Variants in MAML2 observed in about 807,000 individuals in gnomAD.
MAML2 encodes the protein mastermind like transcriptional coactivator 2, also known as mastermind-like protein 2.
In MAML2, 22 loss-of-function variants were observed where a neutral mutation model predicts 96.1. That is an observed-to-expected ratio of 0.23 (90% CI 0.16 to 0.33). The LOEUF is 0.33. Ranked by LOEUF, MAML2 falls within the 10% of genes least tolerant of loss-of-function variation. MAML2 has a pLI of 1.00. For synonymous variants in MAML2, 561 were observed against 521.3 expected, an observed-to-expected ratio of 1.08 and a Z score of -1.04; for missense variants, 1,367 against 1,392.4, an observed-to-expected ratio of 0.98 and a Z score of 0.29.
intron 2 of MAML2, among the ~76,000 whole-genome samples, chr11:96,015,603 T>C (rs1339576885): frequency 1.5e-5 from 2 of 131,910 alleles, no homozygotes; most frequent in African/African-American, 2.8e-5. Flanking sequence ...GGGCAATTCA[T>C]GAAGACATAT....
intron 2 of MAML2, among the ~76,000 whole-genome samples, chr11:95,999,722 T>A (rs1858051791): frequency 6.6e-6 from 1 of 152,164 alleles, no homozygotes; most frequent in East Asian, 1.9e-4. Context: ...TTACTTGAGA[T>A]CCATGAGAGT....
At chr11:96,008,056 C>T (rs1468041620) in intron 2 of MAML2, among the ~76,000 whole-genome samples, 4 of 151,584 alleles carry the variant, frequency 2.6e-5, no homozygotes, top group South Asian at 2.1e-4. Context: ...AGTGAAATGA[C>T]GAATATCAAT....
At chr11:96,283,489 T>A (rs1364934794) in intron 1 of MAML2, among the ~76,000 whole-genome samples, 2 of 152,228 alleles carry the variant, frequency 1.3e-5, no homozygotes, top group East Asian at 3.8e-4. Flanking sequence ...AATCTTTTTC[T>A]CCAAAAGTGA....
At chr11:96,252,569 G>A (rs1862598898) in intron 1 of MAML2, among the ~76,000 whole-genome samples, 1 of 151,994 alleles carries the variant, frequency 6.6e-6, no homozygotes, top group Non-Finnish European at 1.5e-5. Flanking sequence ...GGGACTACAG[G>A]CGCGTGTCAC....
chr11:96,195,985 T>C (rs1197987189), intron 1 of MAML2, among the ~76,000 whole-genome samples: 5 of 152,236 alleles, frequency 3.3e-5, no homozygotes, highest in Admixed American at 6.5e-5. Flanking sequence ...ACTGTTATTG[T>C]ATATGTCAAG....
At chr11:95,988,237 A>T (rs534586653) in intron 3 of MAML2, among the ~76,000 whole-genome samples, 1 of 151,702 alleles carries the variant, frequency 6.6e-6, no homozygotes, top group South Asian at 2.1e-4. Context: ...ATTTATTTTT[A>T]TATATCTTCA....
chr11:96,200,341 T>C (rs1237434992), intron 1 of MAML2, among the ~76,000 whole-genome samples: 2 of 152,218 alleles, frequency 1.3e-5, no homozygotes, highest in African/African-American at 4.8e-5. Context: ...CATCTGTAGC[T>C]TGGATTTGCT....
chr11:96,282,444 G>A (rs1863085292), intron 1 of MAML2, among the ~76,000 whole-genome samples: 1 of 152,118 alleles, frequency 6.6e-6, no homozygotes. Flanking sequence ...TAGCTACTGA[G>A]TAGAACAAAG....
At chr11:96,194,724 C>G (rs1861704012) in intron 1 of MAML2, among the ~76,000 whole-genome samples, 1 of 152,162 alleles carries the variant, frequency 6.6e-6, no homozygotes. Flanking sequence ...AAAAATGTTG[C>G]TATAGGGCTG....
intron 1 of MAML2, among the ~76,000 whole-genome samples, chr11:96,154,672 T>G (rs1436828445): frequency 1.3e-5 from 2 of 152,174 alleles, no homozygotes; most frequent in African/African-American, 4.8e-5. Flanking sequence ...TAGCAGGCAC[T>G]GTGAATAAAA....
intron 1 of MAML2, among the ~76,000 whole-genome samples, chr11:96,296,194 C>T (rs1326738464): frequency 6.6e-6 from 1 of 152,238 alleles, no homozygotes; most frequent in East Asian, 1.9e-4. Context: ...CACCATCATA[C>T]TCAGCTTATT....
chr11:96,030,649 A>G (rs1406096438), intron 2 of MAML2, among the ~76,000 whole-genome samples: 1 of 152,220 alleles, frequency 6.6e-6, no homozygotes, highest in Non-Finnish European at 1.5e-5. Context: ...CAAGCTGTAT[A>G]CATGGTAGAG....
At chr11:96,217,335 T>C (rs1216669610) in intron 1 of MAML2, among the ~76,000 whole-genome samples, 2 of 152,190 alleles carry the variant, frequency 1.3e-5, no homozygotes, top group Admixed American at 1.3e-4. Context: ...ACCAAAAATA[T>C]AATAGGACAT....
intron 2 of MAML2, among the ~76,000 whole-genome samples, chr11:96,060,184 TGTAAGGTTATAAA>T (rs1369648115): frequency 6.6e-6 from 1 of 152,220 alleles, no homozygotes; most frequent in Admixed American, 6.5e-5. Flanking sequence ...AAAATCGTTT[TGTAAGGTTATAAA>T]TGCAATAACT....
chr11:96,141,993 AAC>A (rs1196261798), intron 1 of MAML2, among the ~76,000 whole-genome samples: 1 of 152,262 alleles, frequency 6.6e-6, no homozygotes, highest in Admixed American at 6.5e-5. Context: ...TCATTTAATT[AAC>A]ATTTACCAAC....
chr11:96,209,779 C>T (rs547778233), intron 1 of MAML2, among the ~76,000 whole-genome samples: 16 of 152,162 alleles, frequency 1.1e-4, no homozygotes, highest in African/African-American at 3.4e-4. Context: ...ACGAAACTAT[C>T]GATTATTTTG....
At chr11:96,111,099 A>G (rs982353725) in intron 1 of MAML2, among the ~76,000 whole-genome samples, 3 of 152,196 alleles carry the variant, frequency 2.0e-5, no homozygotes, top group African/African-American at 4.8e-5. Flanking sequence ...GAGCAATCCA[A>G]CAACCCTTGA....
At position 96,124,463 on chromosome 11, in the gene MAML2, A is replaced by AT. The variant is rs375883378; in HGVS notation, c.514-30947dup. Among the ~76,000 whole-genome samples the AT allele has an allele frequency of 1.4e-3, 212 of 152,294 alleles. 3 individuals are homozygous for AT. The highest frequency in any genetic ancestry group is 4.8e-3 in the African/African-American group (198 of 41,554). On this transcript the variant is annotated intron_variant, in intron 1 of 4. Transcript: ENST00000524717. ...ATAGTCTGATCCTGGCTTTACTACT[A>AT]TTTTTTTAACAAGTCAGCCCCAATT... is the stretch of plus-strand genomic sequence containing the variant.
At chr11:96,215,195 C>T (rs1862030347) in intron 1 of MAML2, among the ~76,000 whole-genome samples, 1 of 152,252 alleles carries the variant, frequency 6.6e-6, no homozygotes. Context: ...AGAGGGTGGG[C>T]TGGGGAATGG....
Sources: gnomAD v4.1 joint callset for allele counts (sites outside exome capture counted in the v4.1 genomes callset) on GRCh38, gnomAD v4.1.1 for gene constraint, MANE v1.5 for transcripts, NCBI Gene and HGNC (gene_info 2026-07-23, HGNC 2026-07-21) for gene names.